Variants in CRISP3 observed in about 807,000 individuals in gnomAD.
CRISP3 encodes cysteine-rich secretory protein 3.
In CRISP3, 33 loss-of-function variants were observed where a neutral mutation model predicts 36.1. The observed-to-expected ratio is 0.91, with a 90% CI of 0.69 to 1.22. CRISP3 has a LOEUF of 1.22. Ranked by LOEUF, CRISP3 falls within the 50% of genes most tolerant of loss-of-function variation. The pLI, the probability that CRISP3 is intolerant of heterozygous loss-of-function variation, is 0.00. For synonymous variants in CRISP3, 117 were observed against 104.6 expected, an observed-to-expected ratio of 1.12 and a Z score of -0.72; for missense variants, 330 against 301.2, an observed-to-expected ratio of 1.10 and a Z score of -0.71.
At chr6:49,741,002 G>C (rs910599476) in intron 1 of CRISP3, among the ~76,000 whole-genome samples, 1 of 151,922 alleles carries the variant, frequency 6.6e-6, no homozygotes, top group Non-Finnish European at 1.5e-5. Context: ...TCGGGAGGCT[G>C]AGGCAGGAGA....
At chr6:49,744,193 A>T (rs1411823176) in intron 1 of CRISP3, 138 bp downstream of exon 1, 4 of 565,050 alleles carry the variant, frequency 7.1e-6, no homozygotes, top group Non-Finnish European at 1.2e-5. Context: ...AATTACTCTC[A>T]TTAAAAGTTA....
chr6:49,742,237 CAT>C (rs1466993440), intron 1 of CRISP3, among the ~76,000 whole-genome samples: 1 of 152,120 alleles, frequency 6.6e-6, no homozygotes, highest in Non-Finnish European at 1.5e-5. Context: ...TTAAATGGTA[CAT>C]GTTAGCATAA....
chr6:49,736,462 T>G lies in CRISP3; in HGVS notation c.157A>C (p.Arg53=), dbSNP rs779642948. 1.9e-5 allele frequency: 31 copies of G among 1,613,724 alleles called. No individual in the cohort carries two copies. The highest frequency in any genetic ancestry group is 2.5e-5 in the Non-Finnish European group (29 of 1,179,776). ...TCATTGTGCTTATTCACAATCTCCC[T>G]TTGCACTTGTGTTTGGGTGGTTAAC... The part of the protein sequence containing the change: ...ALLTTQTQVQ[R]EIVNKHNELR... The change falls in exon 3 of 8, where the codon AGG becomes CGG. Residue 53 remains arginine (R), a synonymous_variant. Transcript: ENST00000263045.
At chr6:49,738,652 C>A (rs1425012668) in intron 1 of CRISP3, among the ~76,000 whole-genome samples, 2 of 152,220 alleles carry the variant, frequency 1.3e-5, no homozygotes, top group African/African-American at 4.8e-5. Flanking sequence ...AGAGGAAGAG[C>A]TTTCCACCCC....
At chr6:49,729,939 T>G (rs1018583945) in intron 7 of CRISP3, among the ~76,000 whole-genome samples, 9 of 152,172 alleles carry the variant, frequency 5.9e-5, no homozygotes, top group African/African-American at 2.2e-4. Context: ...GTTGGCTGAT[T>G]ATTACTAATA....
intron 2 of CRISP3, 98 bp downstream of exon 2, chr6:49,737,227 G>A (rs950252515): frequency 5.7e-6 from 5 of 877,556 alleles, no homozygotes; most frequent in Non-Finnish European, 9.4e-6. Flanking sequence ...TGATGTACCA[G>A]ACACTCTAGA....
intron 2 of CRISP3, among the ~76,000 whole-genome samples, chr6:49,737,044 C>CTTTT (rs1769072007): frequency 1.3e-5 from 2 of 151,994 alleles, no homozygotes; most frequent in Non-Finnish European, 2.9e-5. Flanking sequence ...TGGGATCACT[C>CTTTT]AAAAGATAGT....
intron 1 of CRISP3, among the ~76,000 whole-genome samples, chr6:49,740,894 G>A (rs1769182416): frequency 6.6e-6 from 1 of 151,880 alleles, no homozygotes; most frequent in Non-Finnish European, 1.5e-5. Context: ...GAGGTCAAGA[G>A]ATCGAGACCA....
intron 6 of CRISP3, among the ~76,000 whole-genome samples, 188 bp from the exon 7 acceptor site, chr6:49,731,439 C>A (rs1768915234): frequency 6.6e-6 from 1 of 152,116 alleles, no homozygotes; most frequent in Non-Finnish European, 1.5e-5. Context: ...TTCACACATT[C>A]ATTCACTTTC....
Position 49,736,412 on chromosome 6 carries a change from A to T in CRISP3, c.207T>A (p.Pro69=), listed in dbSNP as rs781600191. The change falls in exon 3 of 8, where the codon CCT becomes CCA. Residue 69 remains proline, a synonymous_variant. Coordinates refer to ENST00000263045, the MANE Select transcript of CRISP3 (RefSeq NM_006061.4). ...HNELRRAVSP[P]ARNMLKMEWN... ...TTACCATCTTCAGCATGTTTCTGGCAGGGGGAGATACTGCTCTCCTCAGTT... is the reference window on the plus strand; with the variant it reads ...TTACCATCTTCAGCATGTTTCTGGCTGGGGGAGATACTGCTCTCCTCAGTT... 1 of 1,611,338 alleles carries T rather than the reference A, an allele frequency of 6.2e-7. No individual in the cohort carries two copies. Among genetic ancestry groups the T allele is most frequent in the Admixed American group, 1.7e-5 (1 of 59,850 alleles).
At chr6:49,738,049 C>T (rs1461613692) in intron 1 of CRISP3, among the ~76,000 whole-genome samples, 2 of 152,128 alleles carry the variant, frequency 1.3e-5, no homozygotes, top group Non-Finnish European at 2.9e-5. Flanking sequence ...TACCATGCCT[C>T]AAATTTAAAA....
intron 7 of CRISP3, among the ~76,000 whole-genome samples, chr6:49,730,116 A>G (rs900445354): frequency 1.4e-4 from 21 of 152,146 alleles, no homozygotes; most frequent in African/African-American, 4.8e-4. Context: ...AATGCATTTG[A>G]AAGGTAAAAA....
intron 7 of CRISP3, 151 bp from the exon 8 acceptor site, chr6:49,729,008 A>T: frequency 1.6e-6 from 1 of 610,170 alleles, no homozygotes; most frequent in Non-Finnish European, 2.7e-6. Context: ...ATCTTGAGGG[A>T]CACATAAGGT....
chr6:49,728,643 A>C lies in CRISP3; in HGVS notation c.*87T>G, dbSNP rs577024447. ...CAAACATGCCTACAATTTCTCAGCT[A>C]GTATATGTTAAATCTAAGTAGATGC... On this transcript the variant is annotated 3_prime_UTR_variant, in exon 8 of 8. Transcript: ENST00000263045. 3 of 1,100,418 alleles carry C rather than the reference A, an allele frequency of 2.7e-6. No individual in the cohort carries two copies. The highest frequency in any genetic ancestry group is 3.7e-6 in the Non-Finnish European group (3 of 818,738). 68.2% of individuals were successfully genotyped at this position (1,100,418 alleles called of 1,614,324 possible). A position where few individuals can be genotyped will look rare whatever the true frequency, so the allele number is the denominator to read the frequency against.
At chr6:49,730,348 T>A (rs984339322) in intron 7 of CRISP3, among the ~76,000 whole-genome samples, 3 of 151,986 alleles carry the variant, frequency 2.0e-5, no homozygotes, top group African/African-American at 7.2e-5. Flanking sequence ...TACAAAATTA[T>A]TAGCAAGCAG....
At chr6:49,734,920 A>G (rs899735096) in intron 4 of CRISP3, among the ~76,000 whole-genome samples, 1 of 152,052 alleles carries the variant, frequency 6.6e-6, no homozygotes, top group African/African-American at 2.4e-5. Context: ...TTAGTTTAAT[A>G]TAGTATGCAT....
At position 49,733,241 on chromosome 6, in the gene CRISP3, T is replaced by C; in HGVS notation, c.514A>G (p.Asn172Asp). 6.2e-7 allele frequency: 1 copy of C among 1,611,240 alleles called. No homozygotes were observed. The highest frequency in any genetic ancestry group is 8.5e-7 in the Non-Finnish European group (1 of 1,178,518). ...TAGTAGTATTTTAGAACTTTTTGAT[T>C]GGGACAGTAGGCATTTCCACATCCA... ...LVGCGNAYCPNQKVLKYYYVC... is the reference protein window; with the variant it reads ...LVGCGNAYCPDQKVLKYYYVC... Residue 172 changes from asparagine to aspartate, a missense_variant, in exon 6 of 8, where the codon AAT becomes GAT. By Grantham distance (23) the Asn-to-Asp change is conservative. Transcript: ENST00000263045.
chr6:49,734,780 T>C (rs1186306666), intron 4 of CRISP3, among the ~76,000 whole-genome samples: 1 of 152,190 alleles, frequency 6.6e-6, no homozygotes, highest in Non-Finnish European at 1.5e-5. Flanking sequence ...CTTGTAAATT[T>C]GGTTTGCCTT....
At chr6:49,742,489 G>A (rs568832508) in intron 1 of CRISP3, among the ~76,000 whole-genome samples, 1 of 151,864 alleles carries the variant, frequency 6.6e-6, no homozygotes, top group African/African-American at 2.4e-5. Context: ...AAAGTTAGCC[G>A]GGCATGGTGG....
Sources: allele counts gnomAD v4.1 joint callset (sites outside exome capture counted in the v4.1 genomes callset), GRCh38; gene constraint gnomAD v4.1.1; transcripts MANE v1.5; gene names NCBI Gene and HGNC (gene_info 2026-07-23, HGNC 2026-07-21).